The following OR5K2 variants were observed in gnomAD, a reference collection of about 807,000 sequenced individuals.
OR5K2 encodes olfactory receptor family 5 subfamily K member 2.
For synonymous variants in OR5K2, 124 were observed against 133.2 expected, an observed-to-expected ratio of 0.93 and a Z score of 0.48; for missense variants, 402 against 369.8, an observed-to-expected ratio of 1.09 and a Z score of -0.71.
rs1352820046 is a variant in OR5K2, at chr3:98,498,243, C to T, written c.563C>T (p.Ser188Phe). The T allele has an allele frequency of 1.2e-6, 2 of 1,614,094 alleles. No individual in the cohort carries two copies. Among genetic ancestry groups the T allele is most frequent in the Non-Finnish European group, 8.5e-7 (1 of 1,179,976 alleles). ...GATACTCTTCCCTTGTATAGACTCTCCTGTGTTGACCCTTTCATCAATGAA... is the reference window on the plus strand; with the variant it reads ...GATACTCTTCCCTTGTATAGACTCTTCTGTGTTGACCCTTTCATCAATGAA... ...YCDTLPLYRL[S>F]CVDPFINELV... Residue 188 changes from serine (S) to phenylalanine (F), a missense_variant, in exon 1 of 1, where the codon TCC becomes TTC. Transcript: ENST00000427338.
In OR5K2 at chr3:98,498,338, T is replaced by G. The variant is rs754742299; in HGVS notation, c.658T>G (p.Tyr220Asp). Residue 220 changes from tyrosine (Y) to aspartate (D), a missense_variant, in exon 1 of 1, where the codon TAT (tyrosine) becomes GAT (aspartate). Transcript: ENST00000427338. ...TIGSVLISYL[Y>D]ILLTIFRMKS... Reference sequence around the variant, plus strand: ...AGGTAGTGTCTTAATATCTTATCTCTATATTCTTCTTACTATTTTCAGAAT... The same window carrying G: ...AGGTAGTGTCTTAATATCTTATCTCGATATTCTTCTTACTATTTTCAGAAT... 46 of 1,613,732 alleles carry G rather than the reference T, an allele frequency of 2.9e-5. No individual in the cohort carries two copies. In the African/African-American group the frequency reaches 5.1e-4, roughly 18 times the overall value.
At position 98,497,927 on chromosome 3, in the gene OR5K2, G is replaced by T; in HGVS notation, c.247G>T (p.Glu83Ter). Residue 83 changes from glutamate to a stop codon, truncating the protein, a stop_gained, in exon 1 of 1, where the codon GAG (glutamate) becomes TAG (stop). Coordinates refer to ENST00000427338, the MANE Select transcript of OR5K2 (RefSeq NM_001004737.1). LOFTEE classifies it low-confidence loss of function (END_TRUNC). ...CACAITPKML[E>*]NFFSEGKRIS... Reference sequence around the variant, plus strand: ...CTGTGCTATTACCCCCAAAATGTTAGAGAACTTCTTTTCTGAGGGCAAAAG... The same window carrying T: ...CTGTGCTATTACCCCCAAAATGTTATAGAACTTCTTTTCTGAGGGCAAAAG... 6.2e-7 allele frequency: 1 copy of T among 1,614,090 alleles called. No homozygotes were observed. Among genetic ancestry groups the T allele is most frequent in the South Asian group, 1.1e-5 (1 of 91,076 alleles).
In OR5K2 at chr3:98,498,123, C is replaced by T. The variant is rs1315297125; in HGVS notation, c.443C>T (p.Ala148Val). 7.4e-6 allele frequency: 12 copies of T among 1,614,064 alleles called. No homozygotes were observed. Among genetic ancestry groups the T allele is most frequent in the African/African-American group, 1.3e-5 (1 of 75,026 alleles). Residue 148 changes from alanine (A) to valine (V), a missense_variant, in exon 1 of 1, where the codon GCC (alanine) becomes GTC (valine). By Grantham distance (64) the Ala-to-Val change is moderately conservative (BLOSUM62 0). Transcript: ENST00000427338. The part of the protein sequence containing the change: ...KKLCIQMTTG[A>V]FIAGNLHSMI... ...CTCTGCATTCAGATGACCACAGGCG[C>T]CTTCATAGCTGGAAATCTGCATTCC...
rs1705727144 is a variant in OR5K2, at chr3:98,498,285, T to A, written c.605T>A (p.Phe202Tyr). ...PFINELVLFI[F>Y]SGSVQVFTIG... ...ATCAATGAACTGGTTCTATTCATCT[T>A]CTCAGGTTCAGTTCAAGTCTTTACC... is the stretch of plus-strand genomic sequence containing the variant. The change falls in exon 1 of 1, where the codon TTC becomes TAC. Residue 202 changes from phenylalanine to tyrosine, a missense_variant. Coordinates refer to ENST00000427338, the MANE Select transcript of OR5K2 (RefSeq NM_001004737.1). 6.2e-7 allele frequency: 1 copy of A among 1,613,872 alleles called. No individual in the cohort carries two copies. Among genetic ancestry groups the A allele is most frequent in the South Asian group, 1.1e-5 (1 of 91,078 alleles).
Position 98,498,590 on chromosome 3 carries a change from A to T in OR5K2, c.910A>T (p.Ile304Phe). 1 of 1,590,850 alleles carries T rather than the reference A, an allele frequency of 6.3e-7. No individual in the cohort carries two copies. Among genetic ancestry groups the T allele is most frequent in the Non-Finnish European group, 8.6e-7 (1 of 1,167,372 alleles). ...NKEVISVLRK[I>F]LLKIKSQGSV... ...GGAAGTAATAAGTGTCTTAAGAAAA[A>T]TTCTGCTGAAAATAAAATCTCAAGG... Residue 304 changes from isoleucine (I) to phenylalanine (F), a missense_variant, in exon 1 of 1, where the codon ATT (isoleucine) becomes TTT (phenylalanine). Coordinates refer to ENST00000427338, the MANE Select transcript of OR5K2 (RefSeq NM_001004737.1).
rs749087002 is a variant in OR5K2, at chr3:98,498,270, TG to T, written c.592del (p.Val198PhefsTer14). 26 of 1,614,068 alleles carry T rather than the reference TG, an allele frequency of 1.6e-5. No individual in the cohort carries two copies. In the South Asian group the frequency reaches 2.9e-4, roughly 18 times the overall value. On this transcript the variant is annotated frameshift_variant, in exon 1 of 1. Transcript: ENST00000427338. LOFTEE classifies it low-confidence loss of function (END_TRUNC). ...TGTGTTGACCCTTTCATCAATGAAC[TG>T]GTTCTATTCATCTTCTCAGGTTCAG... ...LSCVDPFINELVLFIFSGSVQ... is the reference protein window; with the variant it reads ...LSCVDPFINEXVLFIFSGSVQ...
chr3:98,497,994 G>T lies in OR5K2; in HGVS notation c.314G>T (p.Cys105Phe). The change falls in exon 1 of 1, where the codon TGC becomes TTC. Residue 105 changes from cysteine to phenylalanine, a missense_variant. Cys to Phe is a radical substitution (Grantham distance 205). Transcript: ENST00000427338. ...YECAVQFYFLCTVETADCFLL... is the reference protein window; with the variant it reads ...YECAVQFYFLFTVETADCFLL... The stretch of plus-strand genomic sequence containing the variant: ...TGTGCAGTACAGTTTTATTTTCTTT[G>T]CACTGTGGAAACTGCAGACTGCTTT... 6.2e-7 allele frequency: 1 copy of T among 1,614,016 alleles called. No individual in the cohort carries two copies. Among genetic ancestry groups the T allele is most frequent in the Non-Finnish European group, 8.5e-7 (1 of 1,179,970 alleles).
Position 98,497,873 on chromosome 3 carries a change from A to C in OR5K2, c.193A>C (p.Asn65His). The C allele has an allele frequency of 1.2e-6, 2 of 1,614,078 alleles. No homozygotes were observed. Among genetic ancestry groups the C allele is most frequent in the Non-Finnish European group, 1.7e-6 (2 of 1,179,968 alleles). The part of the protein sequence containing the change: ...LHTPMYIFLG[N>H]LALVDSCCAC... ...CACACCAATGTACATCTTTCTGGGA[A>C]ATCTGGCTCTTGTGGATTCTTGCTG... is the stretch of plus-strand genomic sequence containing the variant. The change falls in exon 1 of 1, where the codon AAT becomes CAT. Residue 65 changes from asparagine to histidine, a missense_variant. By Grantham distance (68) the Asn-to-His change is moderately conservative. Coordinates refer to ENST00000427338, the MANE Select transcript of OR5K2 (RefSeq NM_001004737.1).
rs761553827 is a variant in OR5K2 at position 98,497,858 on chromosome 3, T to C, written c.178T>C (p.Tyr60His). 92 of 1,614,040 alleles carry C rather than the reference T, an allele frequency of 5.7e-5. 3 individuals carry two copies. In the South Asian group the frequency reaches 9.8e-4, roughly 17 times the overall value. The stretch of plus-strand genomic sequence containing the variant: ...ACACTGTCGGCTTCACACACCAATG[T>C]ACATCTTTCTGGGAAATCTGGCTCT... ...FTHCRLHTPM[Y>H]IFLGNLALVD... Residue 60 changes from tyrosine to histidine, a missense_variant, in exon 1 of 1, where the codon TAC (tyrosine) becomes CAC (histidine). Tyr to His is a moderately conservative substitution (Grantham distance 83, BLOSUM62 2). Coordinates refer to ENST00000427338, the MANE Select transcript of OR5K2 (RefSeq NM_001004737.1).
Position 98,497,684 on chromosome 3 carries a change from G to A in OR5K2, c.4G>A (p.Val2Ile). The change falls in exon 1 of 1, where the codon GTT becomes ATT. Residue 2 changes from valine (V) to isoleucine (I), a missense_variant. Val to Ile is a conservative substitution (Grantham distance 29). Transcript: ENST00000427338. The part of the protein sequence containing the change: M[V>I]EENHTMKNEF... ...ATTTTTTTCAGAGAGGTCAGGAATG[G>A]TTGAAGAAAATCATACCATGAAAAA... is the stretch of plus-strand genomic sequence containing the variant. The A allele has an allele frequency of 6.2e-7, 1 of 1,611,744 alleles. No homozygotes were observed. Among genetic ancestry groups the A allele is most frequent in the Non-Finnish European group, 8.5e-7 (1 of 1,178,476 alleles).
rs557366611 is a variant in OR5K2 at position 98,497,761 on chromosome 3, G to C, written c.81G>C (p.Leu27=). 3 of 1,613,992 alleles carry C rather than the reference G, an allele frequency of 1.9e-6. No individual in the cohort carries two copies. Among genetic ancestry groups the C allele is most frequent in the Non-Finnish European group, 2.5e-6 (3 of 1,179,920 alleles). ...FTDHPELKTL[L]FVVFFAIYLI... is the part of the protein sequence containing the mutation. ...ATCACCCTGAGCTGAAGACTCTGCT[G>C]TTTGTGGTGTTCTTTGCCATCTATC... Residue 27 remains leucine, a synonymous_variant, in exon 1 of 1, where the codon CTG becomes CTC. Transcript: ENST00000427338.
Position 98,498,573 on chromosome 3 carries a change from T to C in OR5K2, c.893T>C (p.Ile298Thr). The C allele has an allele frequency of 6.3e-7, 1 of 1,596,896 alleles. No individual in the cohort carries two copies. The highest frequency in any genetic ancestry group is 1.1e-5 in the South Asian group (1 of 88,970). The part of the protein sequence containing the change: ...FIYSLRNKEV[I>T]SVLRKILLKI... The stretch of plus-strand genomic sequence containing the variant: ...TATAGTCTGAGAAACAAGGAAGTAA[T>C]AAGTGTCTTAAGAAAAATTCTGCTG... Residue 298 changes from isoleucine (I) to threonine (T), a missense_variant, in exon 1 of 1, where the codon ATA (isoleucine) becomes ACA (threonine). Coordinates refer to ENST00000427338, the MANE Select transcript of OR5K2 (RefSeq NM_001004737.1).
chr3:98,498,197 C>A lies in OR5K2; in HGVS notation c.517C>A (p.His173Asn). The change falls in exon 1 of 1, where the codon CAC becomes AAC. Residue 173 changes from histidine to asparagine, a missense_variant. Transcript: ENST00000427338. ...TAGGTTAGTTTTCTGTGGATTGAATCACATCAACCACTTTTACTGTGATAC... is the reference window on the plus strand; with the variant it reads ...TAGGTTAGTTTTCTGTGGATTGAATAACATCAACCACTTTTACTGTGATAC... ...VFRLVFCGLNHINHFYCDTLP... is the reference protein window; with the variant it reads ...VFRLVFCGLNNINHFYCDTLP... 6.2e-7 allele frequency: 1 copy of A among 1,614,096 alleles called. No individual in the cohort carries two copies. The highest frequency in any genetic ancestry group is 8.5e-7 in the Non-Finnish European group (1 of 1,179,974).
rs1559647000 is a variant in OR5K2, at chr3:98,498,505, T to A, written c.825T>A (p.Ala275=). 1.2e-5 allele frequency: 20 copies of A among 1,609,714 alleles called. No individual in the cohort carries two copies. Among genetic ancestry groups the A allele is most frequent in the Non-Finnish European group, 1.5e-5 (18 of 1,176,244 alleles). Residue 275 remains alanine (A), a synonymous_variant, in exon 1 of 1, where the codon GCT becomes GCA. Coordinates refer to ENST00000427338, the MANE Select transcript of OR5K2 (RefSeq NM_001004737.1). ...AAGGAGGTAATGATATACCAGCTGCTATTTTATTTACAATAGTAGTTCCCT... is the reference window on the plus strand; with the variant it reads ...AAGGAGGTAATGATATACCAGCTGCAATTTTATTTACAATAGTAGTTCCCT... The part of the protein sequence containing the change: ...LEEGGNDIPA[A]ILFTIVVPLL...
Position 98,497,760 on chromosome 3 carries a change from T to C in OR5K2, c.80T>C (p.Leu27Pro), listed in dbSNP as rs368651563. Residue 27 changes from leucine to proline, a missense_variant, in exon 1 of 1, where the codon CTG becomes CCG. Coordinates refer to ENST00000427338, the MANE Select transcript of OR5K2 (RefSeq NM_001004737.1). ...FTDHPELKTL[L>P]FVVFFAIYLI... Reference sequence around the variant, plus strand: ...GATCACCCTGAGCTGAAGACTCTGCTGTTTGTGGTGTTCTTTGCCATCTAT... The same window carrying C: ...GATCACCCTGAGCTGAAGACTCTGCCGTTTGTGGTGTTCTTTGCCATCTAT... 34 of 1,613,918 alleles carry C rather than the reference T, an allele frequency of 2.1e-5. No individual in the cohort carries two copies. The highest frequency in any genetic ancestry group is 8.3e-5 in the Admixed American group (5 of 59,962).
chr3:98,498,188 G>A lies in OR5K2; in HGVS notation c.508G>A (p.Gly170Arg). The A allele has an allele frequency of 6.2e-7, 1 of 1,614,006 alleles. No individual in the cohort carries two copies. The highest frequency in any genetic ancestry group is 1.1e-5 in the South Asian group (1 of 91,076). Residue 170 changes from glycine (G) to arginine (R), a missense_variant, in exon 1 of 1, where the codon GGA (glycine) becomes AGA (arginine). Coordinates refer to ENST00000427338, the MANE Select transcript of OR5K2 (RefSeq NM_001004737.1). The stretch of plus-strand genomic sequence containing the variant: ...GCTTGTATTTAGGTTAGTTTTCTGT[G>A]GATTGAATCACATCAACCACTTTTA... ...VGLVFRLVFC[G>R]LNHINHFYCD...
Position 98,497,840 on chromosome 3 carries a change from C to G in OR5K2, c.160C>G (p.Arg54Gly). The change falls in exon 1 of 1, where the codon CGG becomes GGG. Residue 54 changes from arginine to glycine, a missense_variant. Arg to Gly is a moderately radical substitution (Grantham distance 125). Transcript: ENST00000427338. ...GGTGGCACTGATATTTACACACTGTCGGCTTCACACACCAATGTACATCTT... is the reference window on the plus strand; with the variant it reads ...GGTGGCACTGATATTTACACACTGTGGGCTTCACACACCAATGTACATCTT... ...SLVALIFTHC[R>G]LHTPMYIFLG... 5.0e-6 allele frequency: 8 copies of G among 1,614,116 alleles called. No homozygotes were observed. Among genetic ancestry groups the G allele is most frequent in the Non-Finnish European group, 5.9e-6 (7 of 1,179,978 alleles).
chr3:98,498,057 T>C lies in OR5K2; in HGVS notation c.377T>C (p.Ile126Thr), dbSNP rs1301287672. ...GTGGCCTATGACCGCTATGTGGCCA[T>C]CTGCAACCCACTGCAGTACCACATC... is the stretch of plus-strand genomic sequence containing the variant. ...AAVAYDRYVAICNPLQYHIMM... is the reference protein window; with the variant it reads ...AAVAYDRYVATCNPLQYHIMM... Residue 126 changes from isoleucine (I) to threonine (T), a missense_variant, in exon 1 of 1, where the codon ATC becomes ACC. Ile to Thr is a moderately conservative substitution (Grantham distance 89). Transcript: ENST00000427338. The C allele has an allele frequency of 1.6e-5, 26 of 1,613,954 alleles. No homozygotes were observed. The highest frequency in any genetic ancestry group is 1.9e-5 in the Non-Finnish European group (23 of 1,179,994).
chr3:98,498,463 A>T lies in OR5K2; in HGVS notation c.783A>T (p.Arg261Ser), dbSNP rs779173759. ...FYGSIFFLYIRPNLLEEGGND... is the reference protein window; with the variant it reads ...FYGSIFFLYISPNLLEEGGND... ...GATCTATTTTTTTCCTATACATTAG[A>T]CCAAATTTGCTTGAAGAAGGAGGTA... Residue 261 changes from arginine to serine, a missense_variant, in exon 1 of 1, where the codon AGA becomes AGT. Transcript: ENST00000427338. 3 of 1,613,354 alleles carry T rather than the reference A, an allele frequency of 1.9e-6. No individual in the cohort carries two copies. Among genetic ancestry groups the T allele is most frequent in the Non-Finnish European group, 2.5e-6 (3 of 1,179,574 alleles).
Sources: allele counts gnomAD v4.1 joint callset, GRCh38; gene constraint gnomAD v4.1.1; transcripts MANE v1.5; gene names NCBI Gene and HGNC (gene_info 2026-07-23, HGNC 2026-07-21).